The following RELL1 variants were observed in gnomAD, a reference collection of about 807,000 sequenced individuals.
The protein encoded by RELL1 is RELT-like protein 1.
In RELL1, 10 loss-of-function variants were observed where a neutral mutation model predicts 23.0. The ratio of observed to expected loss-of-function variants is 0.43; its 90% CI spans 0.27 to 0.74. RELL1 has a LOEUF of 0.74. Among genes scored for constraint, RELL1 ranks in the 30% least tolerant of loss-of-function variants. The pLI, the probability that RELL1 is intolerant of heterozygous loss-of-function variation, is 0.19. For missense variants in RELL1, 315 were observed against 364.4 expected (o/e 0.86, Z 1.10); for synonymous variants, 146 against 146.8 (o/e 0.99, Z 0.04).
At chr4:37,631,775 C>T (rs1219616591) in intron 5 of RELL1, among the ~76,000 whole-genome samples, 1 of 152,074 alleles carries the variant, frequency 6.6e-6, no homozygotes, top group Non-Finnish European at 1.5e-5. Flanking sequence ...ATGCAAAAGG[C>T]ATTTAAAAAC....
At position 37,597,622 on chromosome 4, in the gene RELL1, T is replaced by A. The variant is rs913787728; in HGVS notation, c.*4-6405A>T. ...GACGTGCTGCTCTCTCTGTCTTAGA[T>A]GTTGATGCTTAGAAAGGAAACAAAA... On this transcript the variant is annotated intron_variant, in intron 6 of 6. Transcript: ENST00000314117. Among the ~76,000 whole-genome samples, 33 of 152,220 alleles carry A rather than the reference T, an allele frequency of 2.2e-4. 1 individual carries two copies. The highest frequency in any genetic ancestry group is 2.1e-3 in the Admixed American group (32 of 15,286).
downstream of RELL1, among the ~76,000 whole-genome samples, chr4:37,609,141 A>C (rs113981578): frequency 3.3e-5 from 5 of 152,324 alleles, no homozygotes; most frequent in African/African-American, 1.2e-4. Context: ...AAAACCTCAA[A>C]AGCACAGGCT....
At chr4:37,648,950 GAAATT>G (rs1720799470) in intron 2 of RELL1, among the ~76,000 whole-genome samples, 2 of 152,054 alleles carry the variant, frequency 1.3e-5, no homozygotes, top group Admixed American at 1.3e-4. Flanking sequence ...TTTCCTCATT[GAAATT>G]AAATTAAAAT....
At chr4:37,650,269 G>A (rs192739278) in intron 1 of RELL1, among the ~76,000 whole-genome samples, 3 of 152,246 alleles carry the variant, frequency 2.0e-5, no homozygotes, top group Admixed American at 2.0e-4. Context: ...GAAGAAGAGG[G>A]AAAAGTCAGG....
rs1721648816 is a variant in RELL1, at chr4:37,668,865, G to A, written c.88+17335C>T. On this transcript the variant is annotated intron_variant, in intron 1 of 6. Transcript: ENST00000454158. ...GAGATGTGGGGAGCGCCTCTGCCCT[G>A]TCGCCTCGTCCGGGATGTGAGGAGC... Among the ~76,000 whole-genome samples, 5 of 149,096 alleles carry A rather than the reference G, an allele frequency of 3.4e-5. 1 individual carries two copies. The highest frequency in any genetic ancestry group is 3.3e-4 in the Admixed American group (5 of 15,192).
chr4:37,655,715 AC>A (rs1721093351), intron 1 of RELL1, among the ~76,000 whole-genome samples: 1 of 152,260 alleles, frequency 6.6e-6, no homozygotes, highest in African/African-American at 2.4e-5. Flanking sequence ...AGTTTTGAAC[AC>A]GCAGAAATAG....
intron 6 of RELL1, among the ~76,000 whole-genome samples, chr4:37,617,926 C>T (rs962810412): frequency 3.3e-5 from 5 of 152,170 alleles, no homozygotes; most frequent in African/African-American, 1.2e-4. Context: ...CATATTATCA[C>T]ACCTGTTAAG....
intron 6 of RELL1, chr4:37,591,285 C>T (rs1718597025): frequency 6.6e-6 from 2 of 305,004 alleles, no homozygotes; most frequent in African/African-American, 2.1e-5. Context: ...GAACAGCTTG[C>T]TTGACAACCC....
chr4:37,618,387 T>C (rs1719645052), intron 6 of RELL1, among the ~76,000 whole-genome samples: 1 of 151,640 alleles, frequency 6.6e-6, no homozygotes, highest in African/African-American at 2.4e-5. Context: ...ACTCAGCTAA[T>C]TTTTTATTTT....
intron 5 of RELL1, among the ~76,000 whole-genome samples, chr4:37,632,868 T>G (rs1205249899): frequency 2.0e-5 from 3 of 152,232 alleles, no homozygotes; most frequent in Non-Finnish European, 4.4e-5. Flanking sequence ...TCTTTCTAGT[T>G]CTGGTCTTAA....
chr4:37,677,531 TA>T (rs763121090), intron 1 of RELL1, among the ~76,000 whole-genome samples: 1 of 152,154 alleles, frequency 6.6e-6, no homozygotes, highest in Non-Finnish European at 1.5e-5. Flanking sequence ...CTACATCAAA[TA>T]CTAAAGAAAA....
At chr4:37,616,548 CT>C (rs1295039523) in intron 6 of RELL1, among the ~76,000 whole-genome samples, 1 of 152,212 alleles carries the variant, frequency 6.6e-6, no homozygotes, top group African/African-American at 2.4e-5. Context: ...AAAACCTATA[CT>C]TTAAAGGGGC....
At chr4:37,645,420 ATGATTGAGTACTCAAGAACAG>A (rs1216414746) in intron 3 of RELL1, among the ~76,000 whole-genome samples, 2 of 152,208 alleles carry the variant, frequency 1.3e-5, no homozygotes, top group Non-Finnish European at 2.9e-5. Flanking sequence ...AGAAACATCC[ATGATTGAGTACTCAAGAACAG>A]TATCACCAAC....
chr4:37,651,323 C>A (rs79872403), intron 1 of RELL1, among the ~76,000 whole-genome samples: 2,509 of 152,128 alleles, frequency 0.016, 76 homozygotes, highest in African/African-American at 0.057. Context: ...GAGAGAAATA[C>A]AAAATGAAGA....
At chr4:37,630,356 G>GTTTTTTTTTTTTTTTTTTTT (rs59763359) in intron 6 of RELL1, among the ~76,000 whole-genome samples, 1 of 86,734 alleles carries the variant, frequency 1.2e-5, no homozygotes, top group African/African-American at 4.8e-5. Flanking sequence ...TGTGTGTGTG[G>GTTTTTTTTTTTTTTTTTTTT]TTTTTTTTTT....
At chr4:37,627,636 T>C (rs948090951) in intron 6 of RELL1, among the ~76,000 whole-genome samples, 1 of 152,122 alleles carries the variant, frequency 6.6e-6, no homozygotes, top group African/African-American at 2.4e-5. Flanking sequence ...CCTGCCACAG[T>C]CTTGATAACA....
chr4:37,617,152 T>C (rs1719602827), intron 6 of RELL1, among the ~76,000 whole-genome samples: 1 of 152,200 alleles, frequency 6.6e-6, no homozygotes, highest in Admixed American at 6.5e-5. Context: ...GAACCTGCTT[T>C]AGAATCGGCT....
intron 6 of RELL1, among the ~76,000 whole-genome samples, chr4:37,592,462 A>G (rs1189486843): frequency 6.6e-6 from 1 of 152,058 alleles, no homozygotes; most frequent in Non-Finnish European, 1.5e-5. Context: ...ACTTGATGCC[A>G]TAACTAAATG....
intron 6 of RELL1, among the ~76,000 whole-genome samples, chr4:37,605,438 TGTG>T (rs1441795811): frequency 6.6e-6 from 1 of 152,088 alleles, no homozygotes; most frequent in Non-Finnish European, 1.5e-5. Flanking sequence ...TGGAGAATCT[TGTG>T]GTGCCAGAAA....
Sources: allele counts gnomAD v4.1 joint callset (sites outside exome capture counted in the v4.1 genomes callset), GRCh38; gene constraint gnomAD v4.1.1; transcripts MANE v1.5; gene names NCBI Gene and HGNC (gene_info 2026-07-23, HGNC 2026-07-21).